The following LNPEP variants were observed in gnomAD, a reference collection of about 807,000 sequenced individuals.
LNPEP encodes leucyl-cystinyl aminopeptidase.
In LNPEP, 64 loss-of-function variants were observed where a neutral mutation model predicts 120.6. The observed-to-expected ratio is 0.53, with a 90% CI of 0.43 to 0.65. LNPEP has a LOEUF of 0.65. LNPEP is among the 30% of genes least tolerant of loss of function. The pLI is 0.00. For synonymous variants in LNPEP, 435 were observed against 425.4 expected (o/e 1.02, Z -0.28); for missense variants, 1,057 against 1,200.0 (o/e 0.88, Z 1.76).
At chr5:96,936,348 C>T (rs1313258706) in intron 1 of LNPEP, 174 bp downstream of exon 1, 2 of 148,148 alleles carry the variant, frequency 1.3e-5, no homozygotes, top group Admixed American at 1.6e-4. Flanking sequence ...GTTCGGGGGG[C>T]GGGCGGCGGC....
At chr5:96,958,640 C>A in intron 1 of LNPEP, 3 of 272,004 alleles carry the variant, frequency 1.1e-5, no homozygotes, top group Non-Finnish European at 1.7e-5. Context: ...TGGGCTAAAA[C>A]GAAGGAGTTG....
At chr5:96,976,923 A>T (rs1448145579) in intron 1 of LNPEP, among the ~76,000 whole-genome samples, 1 of 17,798 alleles carries the variant, frequency 5.6e-5, no homozygotes, top group Non-Finnish European at 1.1e-4. Flanking sequence ...AAAACAGAAC[A>T]TACTTTTTTT....
chr5:96,963,100 A>C (rs1172065537), intron 1 of LNPEP, among the ~76,000 whole-genome samples: 1 of 152,234 alleles, frequency 6.6e-6, no homozygotes, highest in South Asian at 2.1e-4. Flanking sequence ...TGAAGTAATC[A>C]TGAGACACTG....
intron 1 of LNPEP, among the ~76,000 whole-genome samples, chr5:96,956,007 C>A (rs1789458639): frequency 1.3e-5 from 2 of 152,174 alleles, no homozygotes; most frequent in Admixed American, 1.3e-4. Context: ...TTGCATTTCC[C>A]TGATGACTTC....
rs1420887353 is a variant in LNPEP at position 97,036,413 on chromosome 5, T to C, written c.*7880T>C. On this transcript the variant is annotated 3_prime_UTR_variant, in exon 18 of 18. Transcript: ENST00000231368. ...TGTTTTCTTCACTGGCATTCACAAA[T>C]TTAAGCCATTGCTGCCTCATTAGCC... 2 of 152,350 alleles carry C rather than the reference T, an allele frequency of 1.3e-5. No individual in the cohort carries two copies. The highest frequency in any genetic ancestry group is 3.9e-4 in the East Asian group (2 of 5,190). 9.4% of individuals were successfully genotyped at this position (152,350 alleles called of 1,614,324 possible).
intron 9 of LNPEP, among the ~76,000 whole-genome samples, chr5:97,004,697 C>T (rs940272373): frequency 2.0e-5 from 3 of 152,248 alleles, no homozygotes; most frequent in Non-Finnish European, 4.4e-5. Context: ...TTCTTTGCCT[C>T]ATCTGAATCC....
rs887200003 is a variant in LNPEP, at chr5:96,960,523, G to A, written c.20-18615G>A. Among the ~76,000 whole-genome samples the A allele has an allele frequency of 3.9e-5, 6 of 152,106 alleles. No homozygotes were observed. In the East Asian group the frequency reaches 9.6e-4, roughly 24 times the overall value. Reference sequence around the variant, plus strand: ...GTCACATTCTAGGGTGTGGGTTGGCGGGTTTCATTCTCTACCTTTTCAGCC... The same window carrying A: ...GTCACATTCTAGGGTGTGGGTTGGCAGGTTTCATTCTCTACCTTTTCAGCC... On this transcript the variant is annotated intron_variant, in intron 1 of 17. Transcript: ENST00000231368.
intron 11 of LNPEP, chr5:97,010,495 A>C: frequency 1.0e-6 from 1 of 985,394 alleles, no homozygotes; most frequent in African/African-American, 1.7e-5. Flanking sequence ...AACAGGAGTG[A>C]TAAAGTTCAA....
chr5:96,979,101 TAAC>T, intron 1 of LNPEP, 34 bp from the exon 2 acceptor site: 2 of 1,531,160 alleles, frequency 1.3e-6, no homozygotes, highest in Admixed American at 2.2e-5. Flanking sequence ...TTTTTTTTTC[TAAC>T]TCTGTGCCTT....
intron 1 of LNPEP, among the ~76,000 whole-genome samples, chr5:96,961,092 A>T (rs1789594656): frequency 6.6e-6 from 1 of 152,194 alleles, no homozygotes; most frequent in Admixed American, 6.5e-5. Flanking sequence ...GAATATCTAG[A>T]ATAAAGTAAT....
Position 96,993,815 on chromosome 5 carries a change from A to G in LNPEP, c.1253-2A>G. ...TGATCACTTATTTCCTGTTATGTCC[A>G]GATTTGGTGGCTATTCCTGACTTTG... On this transcript the variant is annotated splice_acceptor_variant, in intron 5 of 17. Transcript: ENST00000231368. LOFTEE classifies it high-confidence loss of function. 1.2e-6 allele frequency: 2 copies of G among 1,613,446 alleles called. No individual in the cohort carries two copies. The highest frequency in any genetic ancestry group is 8.5e-7 in the Non-Finnish European group (1 of 1,179,610).
chr5:97,014,590 ACT>A (rs747209566), intron 12 of LNPEP, among the ~76,000 whole-genome samples: 22 of 152,076 alleles, frequency 1.4e-4, no homozygotes, highest in Non-Finnish European at 2.9e-4. Flanking sequence ...TCTATGCTAT[ACT>A]CTCTTTCCTG....
At chr5:96,948,120 CTT>C (rs769737708) in intron 1 of LNPEP, among the ~76,000 whole-genome samples, 20 of 142,638 alleles carry the variant, frequency 1.4e-4, no homozygotes, top group Non-Finnish European at 7.7e-5. Flanking sequence ...ACAAATTTCT[CTT>C]TTTTTTTTTT....
chr5:96,988,376 C>T (rs1405710330), intron 4 of LNPEP, among the ~76,000 whole-genome samples: 4 of 127,916 alleles, frequency 3.1e-5, no homozygotes, highest in South Asian at 2.4e-4. Context: ...CTCGCACTGT[C>T]GCCTGGGGTG....
chr5:97,036,374 C>G lies in LNPEP; in HGVS notation c.*7841C>G, dbSNP rs985710052. ...TGTGCTTTCCATTTTGTCTTTAGTG[C>G]CTATACTGTTAGGTGTTTTCTTCAC... On this transcript the variant is annotated 3_prime_UTR_variant, in exon 18 of 18. Transcript: ENST00000231368. 1 of 152,154 alleles carries G rather than the reference C, an allele frequency of 6.6e-6. No homozygotes were observed. Among genetic ancestry groups the G allele is most frequent in the Non-Finnish European group, 1.5e-5 (1 of 68,042 alleles). The allele number at this position is 152,154 out of a possible 1,614,324, so 9.4% of individuals were successfully genotyped here. A position where few individuals can be genotyped will look rare whatever the true frequency, so the allele number is the denominator to read the frequency against.
At chr5:96,944,768 C>T (rs116046039) in intron 1 of LNPEP, among the ~76,000 whole-genome samples, 5,707 of 151,680 alleles carry the variant, frequency 0.038, 187 homozygotes, top group Middle Eastern at 0.11. Context: ...GATGAGATTT[C>T]GCCATATTGC....
intron 4 of LNPEP, among the ~76,000 whole-genome samples, chr5:96,992,464 T>C (rs768720051): frequency 9.9e-5 from 15 of 152,176 alleles, no homozygotes; most frequent in Admixed American, 9.2e-4. Context: ...TATAATTGGT[T>C]TTTCTAGGAT....
rs1791551532 is a variant in LNPEP at position 97,035,276 on chromosome 5, C to G, written c.*6743C>G. ...CATGTTATTGGTTTTGTACCTAGTC[C>G]TTTGCATGGATATATAGGTACCTAA... is the stretch of plus-strand genomic sequence containing the variant. On this transcript the variant is annotated 3_prime_UTR_variant, in exon 18 of 18. Coordinates refer to ENST00000231368, the MANE Select transcript of LNPEP (RefSeq NM_005575.3). 1 of 151,878 alleles carries G rather than the reference C, an allele frequency of 6.6e-6. No homozygotes were observed. The highest frequency in any genetic ancestry group is 1.5e-5 in the Non-Finnish European group (1 of 67,936). The allele number at this position is 151,878 out of a possible 1,614,324, so 9.4% of individuals were successfully genotyped here. A position where few individuals can be genotyped will look rare whatever the true frequency, so the allele number is the denominator to read the frequency against.
chr5:96,989,829 A>G (rs1790353873), intron 4 of LNPEP, among the ~76,000 whole-genome samples: 1 of 152,240 alleles, frequency 6.6e-6, no homozygotes, highest in Non-Finnish European at 1.5e-5. Flanking sequence ...AAAAAGAAGT[A>G]GAAAGGAAGA....
Sources: gnomAD v4.1 joint callset for allele counts (sites outside exome capture counted in the v4.1 genomes callset) on GRCh38, gnomAD v4.1.1 for gene constraint, MANE v1.5 for transcripts, NCBI Gene and HGNC (gene_info 2026-07-23, HGNC 2026-07-21) for gene names.